GPHN: variants seen among roughly 807,000 people sequenced by gnomAD.
GPHN encodes the protein gephyrin.
Under a neutral mutation model 95.5 loss-of-function variants are expected in GPHN, and 17 were observed. That is an observed-to-expected ratio of 0.18 (90% CI 0.12 to 0.27). GPHN has a LOEUF of 0.27. Among genes scored for constraint, GPHN ranks in the 10% least tolerant of loss-of-function variants. GPHN has a pLI of 1.00. For missense variants in GPHN, 660 were observed against 978.1 expected, an observed-to-expected ratio of 0.67 and a Z score of 4.34; for synonymous variants, 320 against 322.5, an observed-to-expected ratio of 0.99 and a Z score of 0.08.
At chr14:66,637,305 A>C (rs964741931) in intron 1 of GPHN, among the ~76,000 whole-genome samples, 1 of 152,166 alleles carries the variant, frequency 6.6e-6, no homozygotes, top group Admixed American at 6.5e-5. Context: ...CGGATTTTTA[A>C]ATTTCAAGTT....
the GPHN span, among the ~76,000 whole-genome samples, chr14:67,412,739 T>TAG: frequency 6.6e-6 from 1 of 152,186 alleles, no homozygotes; most frequent in South Asian, 2.1e-4. Flanking sequence ...AAATTATATA[T>TAG]AGAGAGAGAT....
the GPHN span, among the ~76,000 whole-genome samples, chr14:67,668,886 A>G: frequency 6.6e-6 from 1 of 152,222 alleles, no homozygotes; most frequent in Non-Finnish European, 1.5e-5. Context: ...TGAAAGGAAG[A>G]CAAACAATAT....
intron 2 of GPHN, among the ~76,000 whole-genome samples, chr14:66,751,997 A>G (rs963893699): frequency 1.3e-5 from 2 of 152,156 alleles, no homozygotes; most frequent in African/African-American, 4.8e-5. Flanking sequence ...CAGCTTCTAC[A>G]CTAGCACTTG....
chr14:66,645,410 G>T (rs557825266), intron 1 of GPHN, among the ~76,000 whole-genome samples: 49 of 152,088 alleles, frequency 3.2e-4, no homozygotes, highest in Non-Finnish European at 5.1e-4. Context: ...ATTTGGGCCA[G>T]GTGCTGTGGC....
chr14:66,825,984 G>T (rs2061373021), intron 4 of GPHN, among the ~76,000 whole-genome samples: 1 of 152,168 alleles, frequency 6.6e-6, no homozygotes, highest in Non-Finnish European at 1.5e-5. Context: ...CTTATGTTAA[G>T]ATATGGATTT....
At chr14:67,424,444 C>T in the GPHN span, among the ~76,000 whole-genome samples, 1 of 151,374 alleles carries the variant, frequency 6.6e-6, no homozygotes, top group African/African-American at 2.4e-5. Flanking sequence ...ATGATGAAAC[C>T]CCATCTCTAT....
At chr14:67,598,508 C>T in the GPHN span, among the ~76,000 whole-genome samples, 3 of 147,610 alleles carry the variant, frequency 2.0e-5, no homozygotes, top group African/African-American at 4.9e-5. Flanking sequence ...TGGTTTCCTT[C>T]GTTCTAGGGC....
chr14:66,984,085 A>G (rs2070864036), intron 9 of GPHN, among the ~76,000 whole-genome samples: 1 of 152,194 alleles, frequency 6.6e-6, no homozygotes, highest in Non-Finnish European at 1.5e-5. Flanking sequence ...GTGTTCACTT[A>G]TTACTGTGTA....
At chr14:66,723,776 C>T (rs1250271611) in intron 2 of GPHN, among the ~76,000 whole-genome samples, 1 of 151,644 alleles carries the variant, frequency 6.6e-6, no homozygotes, top group Admixed American at 6.6e-5. Context: ...TTTATTTTAC[C>T]AACAATCTTT....
intron 4 of GPHN, among the ~76,000 whole-genome samples, chr14:66,856,589 C>T (rs1046786746): frequency 3.3e-5 from 5 of 151,920 alleles, no homozygotes; most frequent in African/African-American, 9.7e-5. Context: ...TATCTAAACA[C>T]AGGATGAAGA....
At chr14:67,532,035 C>T in the GPHN span, among the ~76,000 whole-genome samples, 2 of 151,984 alleles carry the variant, frequency 1.3e-5, no homozygotes, top group Admixed American at 1.3e-4. Flanking sequence ...TGAGCATTGT[C>T]CCACAAAATG....
the GPHN span, among the ~76,000 whole-genome samples, chr14:67,455,869 G>A: frequency 6.6e-6 from 1 of 152,104 alleles, no homozygotes; most frequent in African/African-American, 2.4e-5. Context: ...TTACATTTGG[G>A]TAGAGAAGAC....
At chr14:67,509,295 T>C in the GPHN span, among the ~76,000 whole-genome samples, 1 of 150,718 alleles carries the variant, frequency 6.6e-6, no homozygotes, top group African/African-American at 2.4e-5. Context: ...TCCTTTTAAC[T>C]AGTTGTGTTT....
the GPHN span, among the ~76,000 whole-genome samples, chr14:67,259,880 G>GA: frequency 0.022 from 2,506 of 111,920 alleles, 31 homozygotes; most frequent in Non-Finnish European, 0.035. Flanking sequence ...CTCCATCTAA[G>GA]AAAAAAAAAA....
chr14:67,039,523 G>T (rs540195017), intron 10 of GPHN, among the ~76,000 whole-genome samples: 4 of 152,204 alleles, frequency 2.6e-5, no homozygotes, highest in Non-Finnish European at 5.9e-5. Flanking sequence ...GCCAGGTGCA[G>T]TGGCTTGTGC....
chr14:67,313,119 C>CA, the GPHN span, among the ~76,000 whole-genome samples: 17 of 151,986 alleles, frequency 1.1e-4, no homozygotes, highest in Admixed American at 6.6e-5. Flanking sequence ...TTTATTGTAC[C>CA]AAACGTGATC....
the GPHN span, among the ~76,000 whole-genome samples, chr14:67,233,053 C>T: frequency 6.6e-6 from 1 of 152,122 alleles, no homozygotes; most frequent in African/African-American, 2.4e-5. Context: ...TCTATTTTCT[C>T]CAAGAGCCCT....
chr14:66,874,052 G>A (rs2063552831), intron 4 of GPHN, among the ~76,000 whole-genome samples: 1 of 152,330 alleles, frequency 6.6e-6, no homozygotes, highest in Non-Finnish European at 1.5e-5. Flanking sequence ...GCTTCCAGAG[G>A]AAGGAATTGG....
At chr14:67,600,261 G>GT in the GPHN span, 15 of 1,416,130 alleles carry the variant, frequency 1.1e-5, no homozygotes, top group African/African-American at 1.2e-4. Context: ...GCCGGCCCTG[G>GT]CCGTCTCGCC....
Sources: gnomAD v4.1 joint callset for allele counts (sites outside exome capture counted in the v4.1 genomes callset) on GRCh38, gnomAD v4.1.1 for gene constraint, MANE v1.5 for transcripts, NCBI Gene and HGNC (gene_info 2026-07-23, HGNC 2026-07-21) for gene names.